DPH5: variants seen among roughly 807,000 people sequenced by gnomAD.
The protein encoded by DPH5 is diphthine methyl ester synthase.
DPH5 carries 31 observed loss-of-function variants against 31.6 expected under a neutral mutation model. The observed-to-expected ratio is 0.98, with a 90% CI of 0.74 to 1.32. The LOEUF is 1.32. Among genes scored for constraint, DPH5 ranks in the 40% most tolerant of loss-of-function variants. The probability of loss-of-function intolerance (pLI) is 0.00; values close to 1 mark genes in which losing one functional copy is unlikely to be tolerated. For synonymous variants in DPH5, 120 were observed against 115.0 expected, an observed-to-expected ratio of 1.04 and a Z score of -0.28; for missense variants, 309 against 335.7, an observed-to-expected ratio of 0.92 and a Z score of 0.62.
intron 6 of DPH5, among the ~76,000 whole-genome samples, chr1:100,992,984 T>C (rs1657921505): frequency 6.6e-6 from 1 of 152,180 alleles, no homozygotes; most frequent in South Asian, 2.1e-4. Context: ...CACATAAAGA[T>C]AGATGTCTAA....
At chr1:101,014,188 T>C (rs924460787) in intron 3 of DPH5, among the ~76,000 whole-genome samples, 8 of 152,252 alleles carry the variant, frequency 5.3e-5, no homozygotes, top group Non-Finnish European at 1.0e-4. Flanking sequence ...TTTTAAATTC[T>C]TAAAATTACT....
At chr1:100,991,632 C>CA (rs1200449335) in intron 7 of DPH5, among the ~76,000 whole-genome samples, 5 of 151,398 alleles carry the variant, frequency 3.3e-5, no homozygotes, top group East Asian at 1.9e-4. Context: ...ACCAAAAATA[C>CA]AAAAAAATTA....
intron 2 of DPH5, among the ~76,000 whole-genome samples, chr1:101,022,272 C>G (rs912044045): frequency 6.6e-6 from 1 of 152,140 alleles, no homozygotes; most frequent in African/African-American, 2.4e-5. Flanking sequence ...TAGCTGTTTA[C>G]AGAACCAGTG....
chr1:100,992,099 A>C (rs77603838), intron 7 of DPH5, among the ~76,000 whole-genome samples: 3 of 146,078 alleles, frequency 2.1e-5, no homozygotes, highest in Admixed American at 6.8e-5. Context: ...CCCTCTCTCA[A>C]AAAAAAAAAA....
At chr1:101,014,888 A>G (rs1345204550) in intron 3 of DPH5, among the ~76,000 whole-genome samples, 3 of 152,334 alleles carry the variant, frequency 2.0e-5, no homozygotes, top group South Asian at 4.1e-4. Context: ...TTGCCTGTCC[A>G]TAAGAAGCAA....
chr1:101,022,596 G>C (rs1660538075), intron 2 of DPH5, among the ~76,000 whole-genome samples: 1 of 152,154 alleles, frequency 6.6e-6, no homozygotes, highest in African/African-American at 2.4e-5. Flanking sequence ...TTCCTGAGAA[G>C]TAATAAGTAA....
At chr1:101,023,558 GA>G (rs1352139576) in intron 2 of DPH5, among the ~76,000 whole-genome samples, 5 of 152,038 alleles carry the variant, frequency 3.3e-5, no homozygotes, top group Non-Finnish European at 5.9e-5. Flanking sequence ...TTTGTCTTTG[GA>G]AAAAAATACT....
chr1:101,003,311 T>C (rs930630954), intron 4 of DPH5, among the ~76,000 whole-genome samples: 2 of 152,178 alleles, frequency 1.3e-5, no homozygotes, highest in Non-Finnish European at 2.9e-5. Flanking sequence ...GTTATTATTA[T>C]TGGGTGATGA....
intron 7 of DPH5, among the ~76,000 whole-genome samples, chr1:100,991,071 T>C (rs1453776990): frequency 6.6e-6 from 1 of 152,236 alleles, no homozygotes; most frequent in Non-Finnish European, 1.5e-5. Context: ...TGCCTTGCCA[T>C]CCAATTAGCT....
chr1:101,004,922 C>T (rs1036473276), intron 4 of DPH5, among the ~76,000 whole-genome samples: 3 of 152,180 alleles, frequency 2.0e-5, no homozygotes, highest in Admixed American at 6.5e-5. Context: ...GCTAACTGTG[C>T]CTGACTTCTC....
In DPH5 at chr1:101,015,429, T is replaced by C. The variant is rs566741216; in HGVS notation, c.261-1611A>G. ...TTGAGCAGCAGGTCTCAAGGGTGGG[T>C]TTAAAATATTCAGTGAACCATGCTG... On this transcript the variant is annotated intron_variant, in intron 3 of 7. Transcript: ENST00000370109. Among the ~76,000 whole-genome samples, 18 of 152,284 alleles carry C rather than the reference T, an allele frequency of 1.2e-4. 1 individual carries two copies. In the South Asian group the frequency reaches 3.5e-3, roughly 30 times the overall value.
chr1:101,022,005 C>CT (rs1456973891), intron 2 of DPH5, among the ~76,000 whole-genome samples: 4 of 152,300 alleles, frequency 2.6e-5, no homozygotes, highest in East Asian at 3.9e-4. Context: ...AGGCGGAACT[C>CT]TTAACATCTG....
intron 5 of DPH5, among the ~76,000 whole-genome samples, chr1:100,999,230 G>A (rs1196950191): frequency 2.0e-5 from 3 of 151,134 alleles, no homozygotes; most frequent in African/African-American, 4.9e-5. Context: ...TAGGTGGATC[G>A]CTGGAGCCCA....
At chr1:101,022,207 A>G (rs923030174) in intron 2 of DPH5, among the ~76,000 whole-genome samples, 1 of 152,222 alleles carries the variant, frequency 6.6e-6, no homozygotes, top group Non-Finnish European at 1.5e-5. Context: ...ATGGTTAAAC[A>G]TATGGCAACT....
rs570203129 is a variant in DPH5 at position 100,993,315 on chromosome 1, G to A, written c.531-575C>T. Among the ~76,000 whole-genome samples the A allele has an allele frequency of 3.3e-5, 5 of 151,952 alleles. No individual in the cohort carries two copies. In the South Asian group the frequency reaches 6.2e-4, roughly 19 times the overall value. ...TGCCTGTAATCCCAGCACTTTGGGA[G>A]GCAGAGGCGGGTGGATCACAAAGTC... On this transcript the variant is annotated intron_variant, in intron 6 of 7. Coordinates refer to ENST00000370109, the MANE Select transcript of DPH5 (RefSeq NM_015958.3).
chr1:100,999,921 G>A (rs1418275616), intron 5 of DPH5, among the ~76,000 whole-genome samples: 1 of 151,972 alleles, frequency 6.6e-6, no homozygotes, highest in African/African-American at 2.4e-5. Context: ...GAGGCGGGTG[G>A]ATCATGAGGT....
At position 101,010,943 on chromosome 1, in the gene DPH5, T is replaced by C. The variant is rs1383170240; in HGVS notation, c.369+2767A>G. ...GTATCACCTGAGACTTTGTTACAAA[T>C]ACAAATTCTCAGACCCCATCCCAGA... On this transcript the variant is annotated intron_variant, in intron 4 of 7. Transcript: ENST00000370109. Among the ~76,000 whole-genome samples the C allele has an allele frequency of 2.0e-5, 3 of 152,200 alleles. No homozygotes were observed. In the East Asian group the frequency reaches 5.8e-4, roughly 29 times the overall value.
At chr1:101,002,675 T>G (rs1378403179) in intron 4 of DPH5, among the ~76,000 whole-genome samples, 1 of 152,208 alleles carries the variant, frequency 6.6e-6, no homozygotes, top group Non-Finnish European at 1.5e-5. Flanking sequence ...AAATTAACCG[T>G]GTGCCTGAAA....
intron 4 of DPH5, among the ~76,000 whole-genome samples, chr1:101,002,174 T>C (rs1259951428): frequency 2.0e-5 from 3 of 152,078 alleles, no homozygotes; most frequent in African/African-American, 7.2e-5. Context: ...TCCCTCACTA[T>C]AGAGTTCAGG....
Sources: allele counts gnomAD v4.1 joint callset (sites outside exome capture counted in the v4.1 genomes callset), GRCh38; gene constraint gnomAD v4.1.1; transcripts MANE v1.5; gene names NCBI Gene and HGNC (gene_info 2026-07-23, HGNC 2026-07-21).